AP1B1: variants seen among roughly 807,000 people sequenced by gnomAD.
AP1B1 encodes AP-1 complex subunit beta-1.
Under a neutral mutation model 104.3 loss-of-function variants are expected in AP1B1, and 36 were observed. The observed-to-expected ratio is 0.35, with a 90% CI of 0.26 to 0.46. The LOEUF (loss-of-function observed/expected upper bound fraction) is 0.46, where lower values mean the gene tolerates loss of function less well. Ranked by LOEUF, AP1B1 falls within the 20% of genes least tolerant of loss-of-function variation. AP1B1 has a pLI of 1.00. For missense variants in AP1B1, 901 were observed against 1,247.9 expected, an observed-to-expected ratio of 0.72 and a Z score of 4.19; for synonymous variants, 504 against 517.5, an observed-to-expected ratio of 0.97 and a Z score of 0.35.
At chr22:29,342,980 G>A (rs1454056644) in intron 11 of AP1B1, among the ~76,000 whole-genome samples, 1 of 152,144 alleles carries the variant, frequency 6.6e-6, no homozygotes, top group Non-Finnish European at 1.5e-5. Flanking sequence ...TGCTTCTGCA[G>A]CCTCTTCCAC....
At chr22:29,377,621 C>T (rs2062366099) in intron 1 of AP1B1, among the ~76,000 whole-genome samples, 1 of 151,836 alleles carries the variant, frequency 6.6e-6, no homozygotes, top group Admixed American at 6.6e-5. Flanking sequence ...CCAGCCTGGT[C>T]AACATAGTGA....
chr22:29,383,690 C>G (rs2062474250), intron 1 of AP1B1, among the ~76,000 whole-genome samples: 1 of 89,808 alleles, frequency 1.1e-5, no homozygotes, highest in Non-Finnish European at 2.2e-5. Context: ...GACTCCGTCT[C>G]AAAAAAAAAA....
At chr22:29,351,514 G>C (rs1296844471) in intron 8 of AP1B1, 191 bp downstream of exon 8, 2 of 879,506 alleles carry the variant, frequency 2.3e-6, no homozygotes, top group African/African-American at 1.7e-5. Flanking sequence ...TGATAACATG[G>C]AGAAACATTC....
chr22:29,370,641 T>C (rs1051914762), intron 1 of AP1B1: 4 of 151,946 alleles, frequency 2.6e-5, no homozygotes, highest in Admixed American at 2.6e-4. Context: ...GGACGCAACC[T>C]GCTGGTGACA....
At chr22:29,332,035 G>C in intron 17 of AP1B1, 119 bp from the exon 18 acceptor site, 1 of 1,066,312 alleles carries the variant, frequency 9.4e-7, no homozygotes, top group Non-Finnish European at 1.3e-6. Context: ...CACCGTGCCA[G>C]CCTTCCCATG....
intron 19 of AP1B1, 40 bp from the exon 20 acceptor site, chr22:29,330,749 C>A: frequency 1.9e-6 from 3 of 1,562,504 alleles, no homozygotes; most frequent in Non-Finnish European, 2.6e-6. Context: ...GCGAGCCCCT[C>A]ATAAACCTGT....
At chr22:29,335,900 G>A (rs936481542) in intron 16 of AP1B1, among the ~76,000 whole-genome samples, 9 of 152,186 alleles carry the variant, frequency 5.9e-5, no homozygotes, top group South Asian at 2.1e-4. Flanking sequence ...GAGAGAGTAC[G>A]CAGAAGCTGG....
rs113275477 is a variant in AP1B1 at position 29,375,884 on chromosome 22, C to T, written c.-27-8614G>A. 7.0e-3 allele frequency among the ~76,000 whole-genome samples: 1,068 copies of T among 152,336 alleles called. 14 individuals are homozygous for T. The highest frequency in any genetic ancestry group is 0.024 in the African/African-American group (1,016 of 41,580). ...TAGAGCCTGGCTCATTTCACTATGC[C>T]TACCTCTCCCCATCCTCACCACGGC... On this transcript the variant is annotated intron_variant, in intron 1 of 22. Transcript: ENST00000357586.
chr22:29,369,113 A>G lies in AP1B1; in HGVS notation c.-27-1843T>C, dbSNP rs142588278. Among the ~76,000 whole-genome samples the G allele has an allele frequency of 1.4e-4, 21 of 152,208 alleles. No homozygotes were observed. The East Asian group carries it at 4.1e-3, about 29-fold the overall frequency. On this transcript the variant is annotated intron_variant, in intron 1 of 22. Transcript: ENST00000357586. Reference sequence around the variant, plus strand: ...AAGGGACTCAAACAAATAACCCACCAATATCTCCTTTCAAGTCATTACTAT... The same window carrying G: ...AAGGGACTCAAACAAATAACCCACCGATATCTCCTTTCAAGTCATTACTAT...
chr22:29,342,814 T>C (rs1264639868), intron 11 of AP1B1, among the ~76,000 whole-genome samples: 1 of 152,158 alleles, frequency 6.6e-6, no homozygotes, highest in Non-Finnish European at 1.5e-5. Flanking sequence ...GAGCCTGCCG[T>C]CAAGGACCTG....
Position 29,330,326 on chromosome 22 carries a change from A to G in AP1B1, c.2766+52T>C, listed in dbSNP as rs771784307. 37 of 1,605,414 alleles carry G rather than the reference A, an allele frequency of 2.3e-5. No individual in the cohort carries two copies. The Admixed American group carries it at 5.9e-4, about 25-fold the overall frequency. On this transcript the variant is annotated intron_variant, in intron 21 of 22. Transcript: ENST00000357586. ...TCCTCCACCAGGGCCACCCCCTGGC[A>G]TGGGACGAAGGGGAGGCTCCAAGGC...
At chr22:29,355,208 G>A (rs1411156402) in intron 6 of AP1B1, among the ~76,000 whole-genome samples, 4 of 151,824 alleles carry the variant, frequency 2.6e-5, no homozygotes. Context: ...TTGCACTCCA[G>A]CCTGGGCAAC....
intron 1 of AP1B1, among the ~76,000 whole-genome samples, chr22:29,379,544 C>T (rs1485281205): frequency 1.3e-5 from 2 of 152,138 alleles, no homozygotes; most frequent in African/African-American, 2.4e-5. Context: ...TGGAACTGTG[C>T]CCCACACGGA....
At chr22:29,371,873 T>C (rs1379032214) in intron 1 of AP1B1, among the ~76,000 whole-genome samples, 1 of 152,198 alleles carries the variant, frequency 6.6e-6, no homozygotes. Context: ...ATGAGTCACT[T>C]TGCTAAGGAG....
chr22:29,336,880 C>T (rs920323539), intron 16 of AP1B1, among the ~76,000 whole-genome samples: 1 of 151,682 alleles, frequency 6.6e-6, no homozygotes, highest in African/African-American at 2.4e-5. Context: ...GCTTATTTTT[C>T]CTGGCAGCTC....
chr22:29,330,719 G>A lies in AP1B1; in HGVS notation c.2525-10C>T. On this transcript the variant is annotated splice_polypyrimidine_tract_variant and intron_variant, in intron 19 of 22. Coordinates refer to ENST00000357586, the MANE Select transcript of AP1B1 (RefSeq NM_001127.4). Reference sequence around the variant, plus strand: ...AGGAACATCTGCCGGTCTGCGGGGTGAGCAGGGTGGGGATGAGAGGCGAGC... The same window carrying A: ...AGGAACATCTGCCGGTCTGCGGGGTAAGCAGGGTGGGGATGAGAGGCGAGC... The A allele has an allele frequency of 6.2e-7, 1 of 1,608,934 alleles. No homozygotes were observed. The highest frequency in any genetic ancestry group is 8.5e-7 in the Non-Finnish European group (1 of 1,178,574).
intron 1 of AP1B1, among the ~76,000 whole-genome samples, chr22:29,372,424 C>CAAAAAA (rs695265): frequency 1.9e-5 from 1 of 53,332 alleles, no homozygotes; most frequent in Non-Finnish European, 4.1e-5. Flanking sequence ...AACTGGGTCT[C>CAAAAAA]AAAAAAAAAA....
At chr22:29,376,594 T>A (rs986457223) in intron 1 of AP1B1, among the ~76,000 whole-genome samples, 1 of 152,078 alleles carries the variant, frequency 6.6e-6, no homozygotes, top group African/African-American at 2.4e-5. Flanking sequence ...TGAATAGCTG[T>A]CAGAAACCTG....
chr22:29,362,428 CCT>C (rs374012985), intron 3 of AP1B1, among the ~76,000 whole-genome samples: 98 of 152,084 alleles, frequency 6.4e-4, no homozygotes, highest in African/African-American at 2.2e-3. Flanking sequence ...CTGAATGCAC[CCT>C]GTGTCTCCCA....
Sources: gnomAD v4.1 joint callset for allele counts (sites outside exome capture counted in the v4.1 genomes callset) on GRCh38, gnomAD v4.1.1 for gene constraint, MANE v1.5 for transcripts, NCBI Gene and HGNC (gene_info 2026-07-23, HGNC 2026-07-21) for gene names.